ARFGEF3: variants seen among roughly 807,000 people sequenced by gnomAD.
ARFGEF3 encodes ARFGEF family member 3, also known as brefeldin A-inhibited guanine nucleotide-exchange protein 3.
A neutral mutation model predicts 221.7 loss-of-function variants in ARFGEF3; 96 were observed. The observed-to-expected ratio is 0.43, with a 90% confidence interval of 0.37 to 0.51. ARFGEF3 has a LOEUF of 0.51. Among genes scored for constraint, ARFGEF3 ranks in the 20% least tolerant of loss-of-function variants. The pLI, the probability that ARFGEF3 is intolerant of heterozygous loss-of-function variation, is 0.00. For synonymous variants in ARFGEF3, 1,145 were observed against 1,126.8 expected (o/e 1.02, Z -0.32); for missense variants, 2,410 against 2,789.9 (o/e 0.86, Z 3.07).
At position 138,294,050 on chromosome 6, in the gene ARFGEF3, C is replaced by G; in HGVS notation, c.3426C>G (p.Tyr1142Ter). 1 of 1,613,762 alleles carries G rather than the reference C, an allele frequency of 6.2e-7. No homozygotes were observed. The highest frequency in any genetic ancestry group is 8.5e-7 in the Non-Finnish European group (1 of 1,179,684). The change falls in exon 20 of 34, where the codon TAC becomes TAG. Residue 1142 changes from tyrosine (Y) to a stop codon, truncating the protein, a stop_gained. Coordinates refer to ENST00000251691, the MANE Select transcript of ARFGEF3 (RefSeq NM_020340.5). LOFTEE classifies it high-confidence loss of function. ...TCATGGCCTTGGGAGGTTTTCTTTA[C>G]CAGCTGAAGAAAGCATCGCAGTCTC... ...LNLMALGGFL[Y>*]QLKKASQSQL...
At position 138,286,866 on chromosome 6, in the gene ARFGEF3, G is replaced by A; in HGVS notation, c.2735G>A (p.Cys912Tyr). ...AACCAGAAGGAGCGGGACGCCATCTGCATGAGCCTCGACGGGCTGCGGAAA... is the reference window on the plus strand; with the variant it reads ...AACCAGAAGGAGCGGGACGCCATCTACATGAGCCTCGACGGGCTGCGGAAA... Reference protein sequence around the residue: ...EQNQKERDAICMSLDGLRKAA... With the variant: ...EQNQKERDAIYMSLDGLRKAA... Residue 912 changes from cysteine (C) to tyrosine (Y), a missense_variant, in exon 16 of 34, where the codon TGC becomes TAC. Cys to Tyr is a radical substitution (Grantham distance 194). Transcript: ENST00000251691. 1 of 1,613,820 alleles carries A rather than the reference G, an allele frequency of 6.2e-7. No individual in the cohort carries two copies. Among genetic ancestry groups the A allele is most frequent in the Non-Finnish European group, 8.5e-7 (1 of 1,179,908 alleles).
intron 17 of ARFGEF3, 32 bp from the exon 18 acceptor site, chr6:138,289,786 C>T (rs1479227916): frequency 6.2e-7 from 1 of 1,601,040 alleles, no homozygotes. Flanking sequence ...CTTACTCAAC[C>T]TGTTATTTTA....
chr6:138,249,632 T>C (rs1377960887), intron 8 of ARFGEF3, among the ~76,000 whole-genome samples: 1 of 152,172 alleles, frequency 6.6e-6, no homozygotes, highest in Non-Finnish European at 1.5e-5. Context: ...TGAGAATAGG[T>C]TTTAAATGGA....
chr6:138,194,989 A>AT (rs747099029), intron 2 of ARFGEF3, among the ~76,000 whole-genome samples: 5,230 of 84,038 alleles, frequency 0.062, 810 homozygotes, highest in African/African-American at 0.091. Context: ...CTTTTCCCTA[A>AT]TTTTTTTTTT....
chr6:138,296,973 G>A lies in ARFGEF3; in HGVS notation c.3648+18G>A. On this transcript the variant is annotated intron_variant, in intron 21 of 33. Transcript: ENST00000251691. ...TGGTGGAGGTGAGCACTGGGAAGGT[G>A]GGAAGAGGCTGGAACTGCTAAGTCA... 1 of 1,604,762 alleles carries A rather than the reference G, an allele frequency of 6.2e-7. No individual in the cohort carries two copies. The highest frequency in any genetic ancestry group is 8.5e-7 in the Non-Finnish European group (1 of 1,176,452).
intron 8 of ARFGEF3, 62 bp downstream of exon 8, chr6:138,245,653 T>G: frequency 8.4e-7 from 1 of 1,191,766 alleles, no homozygotes; most frequent in African/African-American, 1.5e-5. Context: ...ATAACCTTTG[T>G]CTGCAGCATC....
Position 138,210,004 on chromosome 6 carries a change from C to A in ARFGEF3, c.314C>A (p.Pro105His). The A allele has an allele frequency of 1.2e-6, 2 of 1,613,844 alleles. No individual in the cohort carries two copies. The highest frequency in any genetic ancestry group is 1.7e-6 in the Non-Finnish European group (2 of 1,179,802). Residue 105 changes from proline to histidine, a missense_variant, in exon 4 of 34, where the codon CCT becomes CAT. This residue lies in a region of ARFGEF3 where 570 missense variants were observed against 586.9 expected (regional missense o/e 0.97). Coordinates refer to ENST00000251691, the MANE Select transcript of ARFGEF3 (RefSeq NM_020340.5). ...NQILNAVKVT[P>H]SLNEDLQVEV... ...ATACTGAATGCCGTGAAAGTGACGC[C>A]TTCGCTCAACGAGGACCTGCAGGTG...
intron 2 of ARFGEF3, among the ~76,000 whole-genome samples, chr6:138,180,868 C>T (rs574798605): frequency 6.6e-6 from 1 of 152,202 alleles, no homozygotes; most frequent in Non-Finnish European, 1.5e-5. Flanking sequence ...CATGGACTAG[C>T]GTTTAGCAGT....
At chr6:138,260,920 C>A (rs1778780042) in intron 10 of ARFGEF3, among the ~76,000 whole-genome samples, 1 of 151,840 alleles carries the variant, frequency 6.6e-6, no homozygotes, top group Non-Finnish European at 1.5e-5. Flanking sequence ...TGGATAAGTC[C>A]CTAGGAAATA....
At position 138,298,902 on chromosome 6, in the gene ARFGEF3, C is replaced by T. The variant is rs568817725; in HGVS notation, c.3828+117C>T. The T allele has an allele frequency of 1.2e-3, 975 of 835,496 alleles. 4 individuals are homozygous for T. The highest frequency in any genetic ancestry group is 1.6e-3 in the Non-Finnish European group (905 of 550,466). 51.8% of individuals were successfully genotyped at this position (835,496 alleles called of 1,614,324 possible). Reference sequence around the variant, plus strand: ...CAATAATCCTATGTGGAATCTGTAACGGAGAAGTTAAGCAGGGCTGGGCGT... The same window carrying T: ...CAATAATCCTATGTGGAATCTGTAATGGAGAAGTTAAGCAGGGCTGGGCGT... On this transcript the variant is annotated intron_variant, in intron 22 of 33. Coordinates refer to ENST00000251691, the MANE Select transcript of ARFGEF3 (RefSeq NM_020340.5).
intron 29 of ARFGEF3, among the ~76,000 whole-genome samples, chr6:138,321,600 G>A (rs780203396): frequency 6.6e-6 from 1 of 152,226 alleles, no homozygotes; most frequent in Non-Finnish European, 1.5e-5. Flanking sequence ...TGGAGAGGAT[G>A]TGGAGAAAAG....
intron 32 of ARFGEF3, among the ~76,000 whole-genome samples, chr6:138,332,286 GCTTT>G (rs912383805): frequency 2.7e-5 from 4 of 150,228 alleles, no homozygotes; most frequent in Non-Finnish European, 5.9e-5. Flanking sequence ...GAGCCAGCCT[GCTTT>G]CTTTCTTCCA....
intron 28 of ARFGEF3, 62 bp from the exon 29 acceptor site, chr6:138,321,049 C>A: frequency 1.1e-6 from 1 of 887,408 alleles, no homozygotes; most frequent in Non-Finnish European, 1.8e-6. Flanking sequence ...TATAGATGGC[C>A]ATTTCAATCT....
intron 31 of ARFGEF3, among the ~76,000 whole-genome samples, chr6:138,326,148 C>T (rs1239483778): frequency 6.6e-6 from 1 of 152,170 alleles, no homozygotes; most frequent in African/African-American, 2.4e-5. Flanking sequence ...TGAGCCACTG[C>T]ACCTGGCCCA....
rs1281284341 is a variant in ARFGEF3 at position 138,294,221 on chromosome 6, C to A, written c.3502+95C>A. The A allele has an allele frequency of 2.3e-6, 3 of 1,304,634 alleles. No individual in the cohort carries two copies. The African/African-American group carries it at 4.4e-5, about 19-fold the overall frequency. The allele number at this position is 1,304,634 out of a possible 1,614,324, so 80.8% of individuals were successfully genotyped here. On this transcript the variant is annotated intron_variant, in intron 20 of 33. Coordinates refer to ENST00000251691, the MANE Select transcript of ARFGEF3 (RefSeq NM_020340.5). ...CAGCGTGCCTGAAGATTTGACTCCACATTCCCATTGCTTACACTCACACAA... is the reference window on the plus strand; with the variant it reads ...CAGCGTGCCTGAAGATTTGACTCCAAATTCCCATTGCTTACACTCACACAA...
At chr6:138,181,866 A>G (rs776608505) in intron 2 of ARFGEF3, among the ~76,000 whole-genome samples, 7 of 152,178 alleles carry the variant, frequency 4.6e-5, no homozygotes, top group Non-Finnish European at 7.3e-5. Flanking sequence ...TTTCGTTTCA[A>G]ACTGTGCCTC....
At chr6:138,248,007 G>T (rs1470761006) in intron 8 of ARFGEF3, among the ~76,000 whole-genome samples, 2 of 152,198 alleles carry the variant, frequency 1.3e-5, no homozygotes, top group African/African-American at 2.4e-5. Context: ...ACTTAGAATG[G>T]GTTAAAAATT....
chr6:138,313,601 C>T (rs1183169495), intron 25 of ARFGEF3, among the ~76,000 whole-genome samples, 194 bp from the exon 26 acceptor site: 2 of 152,148 alleles, frequency 1.3e-5, no homozygotes, highest in African/African-American at 4.8e-5. Context: ...CCATTGTATG[C>T]TATTTCATCT....
chr6:138,335,465 G>T (rs1479406213), intron 33 of ARFGEF3, among the ~76,000 whole-genome samples: 1 of 151,510 alleles, frequency 6.6e-6, no homozygotes, highest in Non-Finnish European at 1.5e-5. Context: ...GAACTTACCT[G>T]TATAAATAAG....
Sources: gnomAD v4.1 joint callset for allele counts (sites outside exome capture counted in the v4.1 genomes callset) on GRCh38, gnomAD v4.1.1 for gene constraint, gnomAD v4.1.1 regional missense constraint, MANE v1.5 for transcripts, NCBI Gene and HGNC (gene_info 2026-07-23, HGNC 2026-07-21) for gene names.